The following DENND1A variants were observed in gnomAD, a reference collection of about 807,000 sequenced individuals.
The protein encoded by DENND1A is DENN domain-containing protein 1A.
In DENND1A, 51 loss-of-function variants were observed where a neutral mutation model predicts 113.7. The ratio of observed to expected loss-of-function variants is 0.45; its 90% CI spans 0.36 to 0.57. The LOEUF (loss-of-function observed/expected upper bound fraction) is 0.57. DENND1A is among the 20% of genes least tolerant of loss of function. DENND1A has a pLI of 0.00. For synonymous variants in DENND1A, 565 were observed against 570.8 expected, an observed-to-expected ratio of 0.99 and a Z score of 0.14; for missense variants, 1,258 against 1,395.9, an observed-to-expected ratio of 0.90 and a Z score of 1.57.
chr9:123,558,501 G>T (rs1589132200), intron 12 of DENND1A, among the ~76,000 whole-genome samples: 2 of 152,266 alleles, frequency 1.3e-5, no homozygotes, highest in Non-Finnish European at 2.9e-5. Context: ...AAGCCACCAG[G>T]TCTTACATGG....
At chr9:123,840,829 G>A (rs1027715566) in intron 2 of DENND1A, among the ~76,000 whole-genome samples, 3 of 152,270 alleles carry the variant, frequency 2.0e-5, no homozygotes, top group East Asian at 3.9e-4. Context: ...ACAGTCTCGT[G>A]TGACATTTTA....
At chr9:123,636,697 CTTTTTTTTT>C (rs112301152) in intron 9 of DENND1A, among the ~76,000 whole-genome samples, 2 of 119,654 alleles carry the variant, frequency 1.7e-5, no homozygotes, top group South Asian at 5.3e-4. Flanking sequence ...GATTACCAGA[CTTTTTTTTT>C]TTTTTTTTTT....
chr9:123,684,892 T>A (rs2064711705), intron 5 of DENND1A, among the ~76,000 whole-genome samples: 1 of 152,136 alleles, frequency 6.6e-6, no homozygotes, highest in African/African-American at 2.4e-5. Context: ...TGGCAGATAA[T>A]GTCAGCAGCA....
At chr9:123,688,328 T>C (rs564055201) in intron 5 of DENND1A, among the ~76,000 whole-genome samples, 1 of 152,338 alleles carries the variant, frequency 6.6e-6, no homozygotes, top group East Asian at 1.9e-4. Context: ...GATTATACTT[T>C]ACATTTGATT....
At chr9:123,659,205 T>C (rs1338702463) in intron 8 of DENND1A, among the ~76,000 whole-genome samples, 1 of 152,176 alleles carries the variant, frequency 6.6e-6, no homozygotes, top group Non-Finnish European at 1.5e-5. Flanking sequence ...GATAGAACAT[T>C]ATTAAGTTCC....
chr9:123,713,707 T>C (rs904873741), intron 5 of DENND1A, among the ~76,000 whole-genome samples: 5 of 151,050 alleles, frequency 3.3e-5, no homozygotes, highest in Admixed American at 6.6e-5. Context: ...AAAAAAAAAC[T>C]AGACTCTCCT....
At chr9:123,818,413 G>T (rs1837874126) in intron 2 of DENND1A, among the ~76,000 whole-genome samples, 1 of 151,850 alleles carries the variant, frequency 6.6e-6, no homozygotes, top group Non-Finnish European at 1.5e-5. Context: ...CTATAGTATT[G>T]TTAATACAGG....
At chr9:123,689,430 T>C (rs746769911) in intron 5 of DENND1A, among the ~76,000 whole-genome samples, 8 of 152,166 alleles carry the variant, frequency 5.3e-5, no homozygotes, top group Non-Finnish European at 1.0e-4. Context: ...GGCAGAAAAA[T>C]GTACGCATGA....
chr9:123,527,639 C>A (rs1298450583), intron 13 of DENND1A, among the ~76,000 whole-genome samples: 1 of 152,176 alleles, frequency 6.6e-6, no homozygotes, highest in African/African-American at 2.4e-5. Flanking sequence ...ATCTCCCGCA[C>A]CCATCTGGAG....
intron 12 of DENND1A, among the ~76,000 whole-genome samples, chr9:123,558,950 A>T (rs1358075065): frequency 2.0e-5 from 3 of 152,224 alleles, no homozygotes; most frequent in Non-Finnish European, 4.4e-5. Flanking sequence ...TTCAGCTGAC[A>T]TTCTAGTGAG....
At chr9:123,430,497 A>G (rs1455359547) in intron 19 of DENND1A, among the ~76,000 whole-genome samples, 1 of 152,250 alleles carries the variant, frequency 6.6e-6, no homozygotes, top group Non-Finnish European at 1.5e-5. Flanking sequence ...CAGCCATAAA[A>G]AGAAATGAGG....
chr9:123,897,097 G>A (rs1850877129), intron 1 of DENND1A, among the ~76,000 whole-genome samples: 1 of 152,172 alleles, frequency 6.6e-6, no homozygotes, highest in African/African-American at 2.4e-5. Context: ...CTGGCTCCCA[G>A]TAACAGGCAC....
At chr9:123,635,319 C>T (rs1169767991) in intron 9 of DENND1A, among the ~76,000 whole-genome samples, 1 of 152,184 alleles carries the variant, frequency 6.6e-6, no homozygotes, top group Non-Finnish European at 1.5e-5. Context: ...CATATACACT[C>T]ATCACCACAT....
chr9:123,679,523 G>A lies in DENND1A; in HGVS notation c.303-2734C>T, dbSNP rs186443978. ...ATTTCTTTCTCCCTTTGGCCTGACC[G>A]GACACAACTGTTCCCCACATGTTGT... is the stretch of plus-strand genomic sequence containing the variant. On this transcript the variant is annotated intron_variant, in intron 5 of 23. Transcript: ENST00000394215. 3.1e-3 allele frequency among the ~76,000 whole-genome samples: 471 copies of A among 152,314 alleles called. 1 individual carries two copies. The highest frequency in any genetic ancestry group is 6.8e-3 in the Middle Eastern group (2 of 294).
At chr9:123,592,801 A>G (rs2059520063) in intron 11 of DENND1A, among the ~76,000 whole-genome samples, 1 of 152,118 alleles carries the variant, frequency 6.6e-6, no homozygotes, top group Non-Finnish European at 1.5e-5. Flanking sequence ...CACTGTGCCC[A>G]GCTTTAACTG....
intron 2 of DENND1A, among the ~76,000 whole-genome samples, chr9:123,793,795 T>C (rs1833363206): frequency 1.3e-5 from 2 of 152,214 alleles, no homozygotes; most frequent in Admixed American, 1.3e-4. Flanking sequence ...CCAATGTGTA[T>C]TATTTTTTAA....
chr9:123,600,057 C>T (rs957211970), intron 11 of DENND1A, among the ~76,000 whole-genome samples: 14 of 152,174 alleles, frequency 9.2e-5, no homozygotes, highest in Non-Finnish European at 4.4e-5. Context: ...ACAATGGCCC[C>T]GCCCCTAATC....
chr9:123,875,008 ATAAC>A (rs1445653731), intron 2 of DENND1A, among the ~76,000 whole-genome samples: 1 of 152,242 alleles, frequency 6.6e-6, no homozygotes, highest in African/African-American at 2.4e-5. Context: ...AGTAGAATGG[ATAAC>A]TAAATTCTGA....
At chr9:123,420,094 G>T (rs1270860249) in intron 19 of DENND1A, among the ~76,000 whole-genome samples, 2 of 152,226 alleles carry the variant, frequency 1.3e-5, no homozygotes, top group Non-Finnish European at 1.5e-5. Flanking sequence ...GTACAGGAAG[G>T]ACTTCCACGT....
Sources: allele counts gnomAD v4.1 joint callset (sites outside exome capture counted in the v4.1 genomes callset), GRCh38; gene constraint gnomAD v4.1.1; transcripts MANE v1.5; gene names NCBI Gene and HGNC (gene_info 2026-07-23, HGNC 2026-07-21).